REELD1: variants seen among roughly 807,000 people sequenced by gnomAD.
REELD1 encodes the protein reelin domain-containing protein 1.
REELD1 carries 12 observed loss-of-function variants against 6.3 expected under a neutral mutation model. The ratio of observed to expected loss-of-function variants is 1.89; its 90% CI spans 1.21 to 3.07. REELD1 has a LOEUF of 3.07. REELD1 is among the 30% of genes most tolerant of loss of function. The probability of loss-of-function intolerance (pLI) is 0.00; values close to 1 mark genes in which losing one functional copy is unlikely to be tolerated. For missense variants in REELD1, 163 were observed against 86.8 expected (o/e 1.88, Z -3.49); for synonymous variants, 57 against 33.6 (o/e 1.70, Z -2.42).
intron 3 of REELD1, among the ~76,000 whole-genome samples, chr4:146,218,163 C>T (rs1239065167): frequency 6.6e-6 from 1 of 152,240 alleles, no homozygotes; most frequent in African/African-American, 2.4e-5. Context: ...AGTGGGGACC[C>T]TCTGAGAAGC....
In REELD1 at chr4:146,229,706, C is replaced by T. The variant is rs901264973; in HGVS notation, c.973-199C>T. Among the ~76,000 whole-genome samples, 95 of 152,234 alleles carry T rather than the reference C, an allele frequency of 6.2e-4. 1 individual carries two copies. The highest frequency in any genetic ancestry group is 2.2e-3 in the African/African-American group (93 of 41,534). On this transcript the variant is annotated intron_variant, in intron 7 of 7. Coordinates refer to ENST00000623665, the MANE Select transcript of REELD1 (RefSeq NM_001354631.1). The stretch of plus-strand genomic sequence containing the variant: ...TTGTTCTCTGTGGGGTTTCCATTAG[C>T]TACCCCATCCCCATCAATAACAAGT...
At position 146,231,145 on chromosome 4, in the gene REELD1, T is replaced by C. The variant is rs1578704457; in HGVS notation, c.*632T>C. Among the ~76,000 whole-genome samples the C allele has an allele frequency of 6.6e-6, 1 of 152,306 alleles. No homozygotes were observed. The highest frequency in any genetic ancestry group is 6.5e-5 in the Admixed American group (1 of 15,294). Reference sequence around the variant, plus strand: ...GTCAGGAAAGTTTTTGAGAGCTTGATTGAACACATCTTCAGGAAAACATAT... The same window carrying C: ...GTCAGGAAAGTTTTTGAGAGCTTGACTGAACACATCTTCAGGAAAACATAT... On this transcript the variant is annotated 3_prime_UTR_variant, in exon 8 of 8. Transcript: ENST00000623665.
chr4:146,218,154 G>T (rs1395729634), intron 3 of REELD1, among the ~76,000 whole-genome samples: 1 of 152,252 alleles, frequency 6.6e-6, no homozygotes, highest in African/African-American at 2.4e-5. Context: ...GTGCATTCCA[G>T]TGGGGACCCT....
chr4:146,220,298 A>T (rs1730900669), intron 3 of REELD1, among the ~76,000 whole-genome samples: 1 of 152,188 alleles, frequency 6.6e-6, no homozygotes, highest in African/African-American at 2.4e-5. Context: ...TAGAGGTCGC[A>T]TGATTGATTT....
At chr4:146,214,852 A>T (rs1730796752) in intron 1 of REELD1, among the ~76,000 whole-genome samples, 158 bp downstream of exon 1, 1 of 151,562 alleles carries the variant, frequency 6.6e-6, no homozygotes, top group Admixed American at 6.6e-5. Flanking sequence ...CTCCAAGTGG[A>T]TAGTTTTCAG....
At position 146,227,267 on chromosome 4, in the gene REELD1, A is replaced by G. The variant is rs146159690; in HGVS notation, c.596-943A>G. On this transcript the variant is annotated intron_variant, in intron 5 of 7. Coordinates refer to ENST00000623665, the MANE Select transcript of REELD1 (RefSeq NM_001354631.1). Reference sequence around the variant, plus strand: ...AAACTATCAGTTTGCCATGTTCTGTATGTCTGGGCTAGGCTGCTTTATTCT... The same window carrying G: ...AAACTATCAGTTTGCCATGTTCTGTGTGTCTGGGCTAGGCTGCTTTATTCT... 6.8e-3 allele frequency among the ~76,000 whole-genome samples: 1,042 copies of G among 152,326 alleles called. 6 individuals carry two copies. Among genetic ancestry groups the G allele is most frequent in the Non-Finnish European group, 0.012 (789 of 68,018 alleles).
At chr4:146,215,640 C>T (rs987346624) in intron 2 of REELD1, among the ~76,000 whole-genome samples, 6 of 128,142 alleles carry the variant, frequency 4.7e-5, no homozygotes, top group Admixed American at 1.7e-4. Flanking sequence ...CAGCTGACTA[C>T]AGGGGAGGGC....
rs569965133 is a variant in REELD1 at position 146,228,219 on chromosome 4, C to T, written c.605C>T (p.Thr202Ile). ...DVEGAAPAPR[T>I]PITLPQQHTH... ...TTGGACCTCTGCTTAGCTCCCAGGA[C>T]CCCCATCACTCTTCCACAGCAGCAC... Residue 202 changes from threonine (T) to isoleucine (I), a missense_variant, in exon 6 of 8, where the codon ACC becomes ATC. By Grantham distance (89) the Thr-to-Ile change is moderately conservative. Coordinates refer to ENST00000623665, the MANE Select transcript of REELD1 (RefSeq NM_001354631.1). The T allele has an allele frequency of 2.8e-6, 2 of 701,852 alleles. No homozygotes were observed. Among genetic ancestry groups the T allele is most frequent in the Admixed American group, 2.0e-5 (1 of 50,006 alleles). 43.5% of individuals were successfully genotyped at this position (701,852 alleles called of 1,614,324 possible). A position where few individuals can be genotyped will look rare whatever the true frequency, so the allele number is the denominator to read the frequency against.
intron 3 of REELD1, among the ~76,000 whole-genome samples, chr4:146,217,576 A>C (rs1408032448): frequency 6.6e-6 from 1 of 152,212 alleles, no homozygotes; most frequent in Admixed American, 6.5e-5. Context: ...TATCAGGTTA[A>C]AAATAAGCAT....
chr4:146,221,844 C>T (rs1313888335), intron 3 of REELD1, among the ~76,000 whole-genome samples: 2 of 151,098 alleles, frequency 1.3e-5, no homozygotes, highest in African/African-American at 4.9e-5. Context: ...GGTGACGGAG[C>T]GAGACTCTGT....
intron 3 of REELD1, among the ~76,000 whole-genome samples, chr4:146,218,270 G>A (rs760244504): frequency 1.3e-5 from 2 of 152,180 alleles, no homozygotes; most frequent in Non-Finnish European, 2.9e-5. Context: ...CTACCTCCAT[G>A]CCCCGCCCCC....
At position 146,214,595 on chromosome 4, in the gene REELD1, A is replaced by C. The variant is rs970583924; in HGVS notation, c.-234A>C. 1 of 152,238 alleles carries C rather than the reference A, an allele frequency of 6.6e-6. No individual in the cohort carries two copies. The highest frequency in any genetic ancestry group is 2.4e-5 in the African/African-American group (1 of 41,438). The allele number at this position is 152,238 out of a possible 1,614,324, so 9.4% of individuals were successfully genotyped here. A position where few individuals can be genotyped will look rare whatever the true frequency, so the allele number is the denominator to read the frequency against. ...AGCTGTTATTCTCCCCATTAGAGGA[A>C]AAACTGAAAGGAGAAGAAAATACTT... On this transcript the variant is annotated 5_prime_UTR_variant, in exon 1 of 8. Coordinates refer to ENST00000623665, the MANE Select transcript of REELD1 (RefSeq NM_001354631.1).
intron 5 of REELD1, among the ~76,000 whole-genome samples, chr4:146,225,282 T>C (rs1731001009): frequency 6.6e-6 from 1 of 152,206 alleles, no homozygotes; most frequent in Non-Finnish European, 1.5e-5. Context: ...CTTTTTGTTG[T>C]TTATTTCTAG....
At chr4:146,220,537 C>A (rs1730906259) in intron 3 of REELD1, among the ~76,000 whole-genome samples, 1 of 152,164 alleles carries the variant, frequency 6.6e-6, no homozygotes, top group Non-Finnish European at 1.5e-5. Flanking sequence ...ATGACATCAT[C>A]TAGATCCTAA....
chr4:146,224,541 C>A lies in REELD1; in HGVS notation c.528C>A (p.Arg176=), dbSNP rs1560725576. Reference sequence around the variant, plus strand: ...ATAGCAGCGCCCATTCTGACGACCGCATGGAGCCCAGATTGCTGATGCCAA... The same window carrying A: ...ATAGCAGCGCCCATTCTGACGACCGAATGGAGCCCAGATTGCTGATGCCAA... ...QTHSSAHSDD[R]MEPRLLMPNL... is the part of the protein sequence containing the mutation. Residue 176 remains arginine, a synonymous_variant, in exon 5 of 8, where the codon CGC becomes CGA. Coordinates refer to ENST00000623665, the MANE Select transcript of REELD1 (RefSeq NM_001354631.1). The A allele has an allele frequency of 2.8e-6, 2 of 702,130 alleles. No homozygotes were observed. The highest frequency in any genetic ancestry group is 1.5e-5 in the South Asian group (1 of 67,546). The allele number at this position is 702,130 out of a possible 1,614,324, so 43.5% of individuals were successfully genotyped here. A position where few individuals can be genotyped will look rare whatever the true frequency, so the allele number is the denominator to read the frequency against.
intron 5 of REELD1, 58 bp downstream of exon 5, chr4:146,224,666 T>A: frequency 1.5e-6 from 1 of 686,854 alleles, no homozygotes; most frequent in African/African-American, 1.8e-5. Context: ...TACAGTTATC[T>A]ATTTTCACTT....
intron 7 of REELD1, among the ~76,000 whole-genome samples, 161 bp from the exon 8 acceptor site, chr4:146,229,744 A>G (rs1731091205): frequency 6.6e-6 from 1 of 152,120 alleles, no homozygotes; most frequent in African/African-American, 2.4e-5. Context: ...ATTTGTATCT[A>G]GTTGGGCATT....
At chr4:146,223,416 G>GC (rs1293741430) in intron 4 of REELD1, among the ~76,000 whole-genome samples, 2 of 152,228 alleles carry the variant, frequency 1.3e-5, no homozygotes, top group Non-Finnish European at 2.9e-5. Flanking sequence ...GGAAACACGT[G>GC]CCTTAGGATT....
chr4:146,220,783 T>C (rs1730910827), intron 3 of REELD1, among the ~76,000 whole-genome samples: 1 of 152,214 alleles, frequency 6.6e-6, no homozygotes, highest in Admixed American at 6.5e-5. Context: ...ACACTGGTTT[T>C]AGTCTAATCA....
Sources: allele counts gnomAD v4.1 joint callset (sites outside exome capture counted in the v4.1 genomes callset), GRCh38; gene constraint gnomAD v4.1.1; transcripts MANE v1.5; gene names NCBI Gene and HGNC (gene_info 2026-07-23, HGNC 2026-07-21).